Variants in RAB27B observed in about 807,000 individuals in gnomAD.
The protein encoded by RAB27B is ras-related protein Rab-27B.
In RAB27B, 15 loss-of-function variants were observed where a neutral mutation model predicts 24.6. The observed-to-expected ratio is 0.61, with a 90% CI of 0.41 to 0.94. The LOEUF is 0.94. RAB27B is among the 40% of genes least tolerant of loss of function. RAB27B has a pLI of 0.00. For missense variants in RAB27B, 261 were observed against 266.8 expected (o/e 0.98, Z 0.15); for synonymous variants, 105 against 92.5 (o/e 1.14, Z -0.78).
intron 2 of RAB27B, among the ~76,000 whole-genome samples, chr18:54,822,709 A>G (rs1910349528): frequency 6.6e-6 from 1 of 152,136 alleles, no homozygotes; most frequent in Non-Finnish European, 1.5e-5. Flanking sequence ...CTCTTTAACT[A>G]GTTTTTAAAA....
chr18:54,794,023 G>T (rs979967646), intron 2 of RAB27B, among the ~76,000 whole-genome samples: 4 of 152,192 alleles, frequency 2.6e-5, no homozygotes, highest in African/African-American at 9.7e-5. Context: ...AGGCAGGCTG[G>T]CTGGGGGATT....
chr18:54,841,168 GTTTGGTGAGA>G (rs1315407005), intron 1 of RAB27B, among the ~76,000 whole-genome samples: 18 of 20,340 alleles, frequency 8.8e-4, no homozygotes, highest in African/African-American at 1.2e-3. Flanking sequence ...GCGGTGGGGG[GTTTGGTGAGA>G]GGGGCGGGAA....
At chr18:54,775,622 T>C (rs1598895270) in intron 2 of RAB27B, among the ~76,000 whole-genome samples, 1 of 152,180 alleles carries the variant, frequency 6.6e-6, no homozygotes, top group South Asian at 2.1e-4. Context: ...ACATATGATG[T>C]TTCCTGCAAT....
chr18:54,802,013 A>G (rs986040199), intron 2 of RAB27B, among the ~76,000 whole-genome samples: 1 of 152,206 alleles, frequency 6.6e-6, no homozygotes, highest in Non-Finnish European at 1.5e-5. Context: ...GCAATCAACC[A>G]TCAGGCACCT....
intron 2 of RAB27B, among the ~76,000 whole-genome samples, chr18:54,812,678 G>A (rs368498541): frequency 3.4e-4 from 52 of 151,938 alleles, no homozygotes; most frequent in African/African-American, 1.2e-3. Context: ...CAAATTTTGA[G>A]ATTCTATGAC....
intron 2 of RAB27B, among the ~76,000 whole-genome samples, chr18:54,758,254 A>G (rs998138324): frequency 2.0e-5 from 3 of 152,286 alleles, no homozygotes; most frequent in Middle Eastern, 3.4e-3. Context: ...ATTTAAAAAA[A>G]TATTCAGTAA....
intron 2 of RAB27B, among the ~76,000 whole-genome samples, chr18:54,779,532 A>C (rs1225146697): frequency 6.6e-6 from 1 of 152,170 alleles, no homozygotes; most frequent in Admixed American, 6.5e-5. Context: ...TTACTAGGAC[A>C]TGACCAAACT....
chr18:54,829,189 T>C (rs903567897), intron 1 of RAB27B, among the ~76,000 whole-genome samples: 2 of 152,168 alleles, frequency 1.3e-5, no homozygotes, highest in African/African-American at 4.8e-5. Flanking sequence ...TACTTTCTGT[T>C]TTCCAATTTT....
At chr18:54,835,754 C>A (rs1169365105) in intron 1 of RAB27B, among the ~76,000 whole-genome samples, 1 of 151,994 alleles carries the variant, frequency 6.6e-6, no homozygotes, top group South Asian at 2.1e-4. Flanking sequence ...AAATGAGCAA[C>A]TTTGGGTTTG....
chr18:54,862,543 G>A (rs1912049630), intron 1 of RAB27B, among the ~76,000 whole-genome samples: 1 of 152,168 alleles, frequency 6.6e-6, no homozygotes, highest in Admixed American at 6.5e-5. Context: ...GATGAGGATG[G>A]AGAAAAATGG....
chr18:54,796,761 G>A (rs941060467), intron 2 of RAB27B, among the ~76,000 whole-genome samples: 3 of 152,212 alleles, frequency 2.0e-5, no homozygotes, highest in Admixed American at 6.5e-5. Flanking sequence ...CAACATTTGC[G>A]TGCAAGAACA....
intron 2 of RAB27B, among the ~76,000 whole-genome samples, chr18:54,780,463 C>G (rs1477375088): frequency 6.6e-6 from 1 of 150,618 alleles, no homozygotes; most frequent in Admixed American, 6.6e-5. Flanking sequence ...ACAGCTTCCC[C>G]CTCACTGTGT....
At chr18:54,774,515 GACT>G in intron 2 of RAB27B, among the ~76,000 whole-genome samples, 1 of 152,354 alleles carries the variant, frequency 6.6e-6, no homozygotes, top group East Asian at 1.9e-4. Context: ...CAGTTCTCCT[GACT>G]ACTGTTAAGA....
At chr18:54,769,377 T>G (rs1245539364) in intron 2 of RAB27B, among the ~76,000 whole-genome samples, 1 of 152,190 alleles carries the variant, frequency 6.6e-6, no homozygotes, top group Non-Finnish European at 1.5e-5. Flanking sequence ...AGAACATCTT[T>G]TTTAAAGTAT....
At chr18:54,841,345 A>G (rs940159344) in intron 1 of RAB27B, among the ~76,000 whole-genome samples, 4 of 152,212 alleles carry the variant, frequency 2.6e-5, no homozygotes, top group Non-Finnish European at 5.9e-5. Context: ...ATAGTATAAC[A>G]ACTAGTTACA....
intron 2 of RAB27B, among the ~76,000 whole-genome samples, chr18:54,761,642 A>T (rs957651938): frequency 6.6e-6 from 1 of 152,188 alleles, no homozygotes; most frequent in Non-Finnish European, 1.5e-5. Flanking sequence ...CCAAAAACCA[A>T]TGCTTCTCTT....
At position 54,777,352 on chromosome 18, in the gene RAB27B, G is replaced by A. The variant is rs190744739; in HGVS notation, c.-20+59211G>A. On this transcript the variant is annotated intron_variant, in intron 2 of 4. Coordinates refer to the RAB27B transcript ENST00000586570. ...TTAGATCTCTTGGGTACAGGGATGG[G>A]TGCAGGTAGTGAATGAGAAAATGTT... Among the ~76,000 whole-genome samples, 673 of 152,302 alleles carry A rather than the reference G, an allele frequency of 4.4e-3. 2 individuals are homozygous for A. Among genetic ancestry groups the A allele is most frequent in the Non-Finnish European group, 7.6e-3 (520 of 68,024 alleles).
intron 2 of RAB27B, among the ~76,000 whole-genome samples, chr18:54,793,804 G>A (rs974370266): frequency 1.3e-5 from 2 of 152,160 alleles, no homozygotes; most frequent in African/African-American, 2.4e-5. Context: ...CGAACTATTC[G>A]GGAAGCAGAG....
At chr18:54,765,250 C>T (rs1711600553) in intron 2 of RAB27B, among the ~76,000 whole-genome samples, 1 of 152,052 alleles carries the variant, frequency 6.6e-6, no homozygotes, top group African/African-American at 2.4e-5. Context: ...CCTCAGCCTC[C>T]CAAAATGCTA....
Sources: allele counts gnomAD v4.1 joint callset (sites outside exome capture counted in the v4.1 genomes callset), GRCh38; gene constraint gnomAD v4.1.1; transcripts MANE v1.5; gene names NCBI Gene and HGNC (gene_info 2026-07-23, HGNC 2026-07-21).